Variants in MNAT1 observed in about 807,000 individuals in gnomAD.
MNAT1 encodes CDK-activating kinase assembly factor MAT1.
In MNAT1, 43 loss-of-function variants were observed where a neutral mutation model predicts 42.0. The ratio of observed to expected loss-of-function variants is 1.02; its 90% confidence interval spans 0.80 to 1.32. The LOEUF (loss-of-function observed/expected upper bound fraction) is 1.32, where lower values mean the gene tolerates loss of function less well. Ranked by LOEUF, MNAT1 falls within the 40% of genes most tolerant of loss-of-function variation. The probability of loss-of-function intolerance (pLI) is 0.00; values close to 1 mark genes in which losing one functional copy is unlikely to be tolerated. For synonymous variants in MNAT1, 118 were observed against 120.0 expected (o/e 0.98, Z 0.11); for missense variants, 306 against 350.4 (o/e 0.87, Z 1.01).
At chr14:60,892,430 C>T (rs962508631) in intron 7 of MNAT1, among the ~76,000 whole-genome samples, 28 of 152,040 alleles carry the variant, frequency 1.8e-4, no homozygotes, top group African/African-American at 6.5e-4. Context: ...TGTTACTATT[C>T]GCATGGAATA....
chr14:60,817,175 CT>C (rs1443044617), intron 5 of MNAT1, among the ~76,000 whole-genome samples: 1 of 151,538 alleles, frequency 6.6e-6, no homozygotes, highest in Non-Finnish European at 1.5e-5. Context: ...GATAGAATAG[CT>C]TTTAAAAGAT....
In MNAT1 at chr14:60,767,910, C is replaced by G. The variant is rs549011925; in HGVS notation, c.90-28307C>G. Among the ~76,000 whole-genome samples the G allele has an allele frequency of 9.2e-5, 14 of 152,292 alleles. No individual in the cohort carries two copies. In the East Asian group the frequency reaches 2.5e-3, roughly 27 times the overall value. ...TCCCAAGTAGCTGGGACTATAGGCA[C>G]ACGCCACCACACCCAGCTAATTTTT... On this transcript the variant is annotated intron_variant, in intron 1 of 7. Transcript: ENST00000261245.
intron 1 of MNAT1, among the ~76,000 whole-genome samples, chr14:60,781,566 G>T (rs1327232392): frequency 3.3e-5 from 5 of 152,106 alleles, no homozygotes; most frequent in Admixed American, 6.6e-5. Context: ...CCCACAAAGT[G>T]CTGGGACTAC....
intron 5 of MNAT1, among the ~76,000 whole-genome samples, chr14:60,813,612 C>G (rs1199847396): frequency 1.3e-5 from 2 of 152,164 alleles, no homozygotes; most frequent in African/African-American, 4.8e-5. Context: ...TAGATCTCAC[C>G]TCCTAATGGG....
intron 7 of MNAT1, among the ~76,000 whole-genome samples, chr14:60,955,436 T>A (rs2139611138): frequency 6.6e-6 from 1 of 151,820 alleles, no homozygotes; most frequent in East Asian, 1.9e-4. Context: ...CCGAGACAGG[T>A]GAGTCACCTG....
chr14:60,896,106 A>G (rs933655703), intron 7 of MNAT1, among the ~76,000 whole-genome samples: 1 of 152,222 alleles, frequency 6.6e-6, no homozygotes, highest in Non-Finnish European at 1.5e-5. Flanking sequence ...GTTAAACTAG[A>G]GAAATAGATG....
chr14:60,969,244 G>A lies in MNAT1; in HGVS notation c.*895G>A, dbSNP rs1056113115. ...TAAAGAGTTTAGATATGAATAGGAT[G>A]ATATTGCAGCATCTCAACCTTGTAT... is the stretch of plus-strand genomic sequence containing the variant. On this transcript the variant is annotated 3_prime_UTR_variant, in exon 8 of 8. Transcript: ENST00000261245. 2.0e-5 allele frequency: 3 copies of A among 152,162 alleles called. No individual in the cohort carries two copies. Among genetic ancestry groups the A allele is most frequent in the African/African-American group, 7.2e-5 (3 of 41,448 alleles). 9.4% of individuals were successfully genotyped at this position (152,162 alleles called of 1,614,324 possible).
chr14:60,920,635 G>A (rs888453381), intron 7 of MNAT1, among the ~76,000 whole-genome samples: 1 of 151,850 alleles, frequency 6.6e-6, no homozygotes, highest in African/African-American at 2.4e-5. Context: ...TAGAGACAGG[G>A]TTTCACCATG....
intron 6 of MNAT1, among the ~76,000 whole-genome samples, chr14:60,847,421 G>C (rs1393779930): frequency 1.1e-4 from 16 of 147,974 alleles, no homozygotes; most frequent in Non-Finnish European, 2.1e-4. Flanking sequence ...AAAAAAAAAA[G>C]ACTTGTTTTA....
intron 7 of MNAT1, among the ~76,000 whole-genome samples, chr14:60,942,381 C>G (rs1357070184): frequency 6.6e-6 from 1 of 151,864 alleles, no homozygotes. Context: ...ACTTACAGTG[C>G]CAAAAATCCT....
At chr14:60,948,151 C>T (rs1293566524) in intron 7 of MNAT1, among the ~76,000 whole-genome samples, 1 of 152,166 alleles carries the variant, frequency 6.6e-6, no homozygotes, top group Non-Finnish European at 1.5e-5. Context: ...ACTGAAGGGG[C>T]TGAGCATGGT....
intron 7 of MNAT1, among the ~76,000 whole-genome samples, chr14:60,941,350 T>C (rs1293763386): frequency 1.3e-5 from 2 of 152,226 alleles, no homozygotes; most frequent in East Asian, 1.9e-4. Flanking sequence ...GTCACACTTA[T>C]AGCTAGAATG....
intron 7 of MNAT1, among the ~76,000 whole-genome samples, chr14:60,891,714 A>T (rs1030897678): frequency 1.6e-4 from 25 of 152,026 alleles, no homozygotes; most frequent in African/African-American, 6.0e-4. Context: ...TGGCCTCCCA[A>T]AGTGCTGGGA....
chr14:60,866,905 T>G (rs1400168497), intron 6 of MNAT1, among the ~76,000 whole-genome samples: 1 of 152,116 alleles, frequency 6.6e-6, no homozygotes, highest in Non-Finnish European at 1.5e-5. Context: ...TATATTGATA[T>G]AATAAGAATT....
At chr14:60,965,013 G>A (rs543836548) in intron 7 of MNAT1, among the ~76,000 whole-genome samples, 8 of 152,108 alleles carry the variant, frequency 5.3e-5, no homozygotes, top group South Asian at 4.1e-4. Flanking sequence ...GTAGGTTGCC[G>A]TGGTGAAAAT....
In MNAT1 at chr14:60,751,288, TG is replaced by T. The variant is rs555431123; in HGVS notation, c.89+16340del. 3.9e-5 allele frequency among the ~76,000 whole-genome samples: 6 copies of T among 152,266 alleles called. No homozygotes were observed. In the South Asian group the frequency reaches 1.2e-3, roughly 32 times the overall value. On this transcript the variant is annotated intron_variant, in intron 1 of 7. Coordinates refer to ENST00000261245, the MANE Select transcript of MNAT1 (RefSeq NM_002431.4). ...ACATTTTTTTTTACTGTAATGCAAC[TG>T]GGTTGTAACTCAAACTCATGCATAA... is the stretch of plus-strand genomic sequence containing the variant.
rs1555336831 is a variant in MNAT1, at chr14:60,930,206, T to TTA, written c.810-38022_810-38021insAT. ...TATTACTAAAGATTCTTCTTCCGTC[T>TTA]TTATTATTATTATTATTATTATTAT... On this transcript the variant is annotated intron_variant, in intron 7 of 7. Transcript: ENST00000261245. 2.0e-3 allele frequency among the ~76,000 whole-genome samples: 278 copies of TTA among 138,736 alleles called. 1 individual carries two copies. Among genetic ancestry groups the TTA allele is most frequent in the African/African-American group, 6.8e-3 (257 of 37,942 alleles). The allele number at this position is 138,736 out of a possible 152,430, so 91.0% of individuals were successfully genotyped here.
At chr14:60,817,252 G>A (rs10148248) in intron 5 of MNAT1, among the ~76,000 whole-genome samples, 8,012 of 151,610 alleles carry the variant, frequency 0.053, 696 homozygotes, top group African/African-American at 0.18. Context: ...AATTCTTAAT[G>A]TAAATCTAGA....
chr14:60,816,777 C>T (rs1390156776), intron 5 of MNAT1, among the ~76,000 whole-genome samples: 1 of 152,010 alleles, frequency 6.6e-6, no homozygotes, highest in African/African-American at 2.4e-5. Flanking sequence ...TCTAGTTTAA[C>T]ACTTAGTAAG....
Sources: gnomAD v4.1 joint callset for allele counts (sites outside exome capture counted in the v4.1 genomes callset) on GRCh38, gnomAD v4.1.1 for gene constraint, MANE v1.5 for transcripts, NCBI Gene and HGNC (gene_info 2026-07-23, HGNC 2026-07-21) for gene names.